ZNF728: variants seen among roughly 807,000 people sequenced by gnomAD.
ZNF728 encodes the protein zinc finger protein 728.
Under a neutral mutation model 12.5 loss-of-function variants are expected in ZNF728, and 12 were observed. The observed-to-expected ratio is 0.96, with a 90% CI of 0.61 to 1.55. The LOEUF (loss-of-function observed/expected upper bound fraction) is 1.55, where lower values mean the gene tolerates loss of function less well. Among genes scored for constraint, ZNF728 ranks in the 40% most tolerant of loss-of-function variants. The pLI is 0.00. For synonymous variants in ZNF728, 205 were observed against 240.7 expected (o/e 0.85, Z 1.37); for missense variants, 692 against 719.2 (o/e 0.96, Z 0.43).
intron 1 of ZNF728, 133 bp downstream of exon 1, chr19:23,002,895 G>C: frequency 8.2e-7 from 1 of 1,222,176 alleles, no homozygotes; most frequent in Non-Finnish European, 1.2e-6. Context: ...CTGAGGTCGA[G>C]CTAGGCAAGG....
intron 1 of ZNF728, among the ~76,000 whole-genome samples, chr19:22,997,855 T>TA (rs901893714): frequency 8.7e-5 from 13 of 149,596 alleles, no homozygotes; most frequent in South Asian, 2.1e-4. Context: ...GCTATGCACA[T>TA]AAAAAAAAAT....
chr19:22,989,288 A>G (rs886549975), intron 1 of ZNF728, among the ~76,000 whole-genome samples: 2 of 151,992 alleles, frequency 1.3e-5, no homozygotes, highest in African/African-American at 4.8e-5. Context: ...CAGTATGCCA[A>G]TGGTTTTGGC....
intron 1 of ZNF728, among the ~76,000 whole-genome samples, chr19:22,993,592 T>C (rs1157051032): frequency 6.6e-6 from 1 of 152,116 alleles, no homozygotes; most frequent in African/African-American, 2.4e-5. Context: ...CACTTACAAG[T>C]GGATTTGCAA....
chr19:22,988,876 A>G (rs1239335795), intron 1 of ZNF728, among the ~76,000 whole-genome samples: 1 of 151,970 alleles, frequency 6.6e-6, no homozygotes, highest in Non-Finnish European at 1.5e-5. Flanking sequence ...ACATGGAGAA[A>G]CCACGTCTGT....
chr19:22,984,557 CAAA>C (rs398040954), intron 3 of ZNF728, among the ~76,000 whole-genome samples: 29,199 of 76,002 alleles, frequency 0.38, 4,628 homozygotes, highest in African/African-American at 0.58. Context: ...GACTCCATCT[CAAA>C]AAAAAAAAAA....
Position 22,975,549 on chromosome 19 carries a change from T to G in ZNF728, c.1788A>C (p.Glu596Asp). The G allele has an allele frequency of 6.3e-7, 1 of 1,584,376 alleles. No individual in the cohort carries two copies. The highest frequency in any genetic ancestry group is 8.6e-7 in the Non-Finnish European group (1 of 1,166,250). The change falls in exon 4 of 4, where the codon GAA becomes GAC. Residue 596 changes from glutamate to aspartate, a missense_variant. Physicochemically the swap from Glu to Asp is conservative, Grantham distance 45. Around this residue, in one of 3 missense-constraint regions of ZNF728, gnomAD observed 244 missense variants for 235.2 expected, o/e 1.04. Coordinates refer to ENST00000594710, the MANE Select transcript of ZNF728 (RefSeq NM_001267716.2). ...AGGATTGGTTGAAGTCTTTACCACA[T>G]TCTTCACATTTGTAGAATTTCTTTC... Reference protein sequence around the residue: ...HAGKKFYKCEECGKDFNQSSH... With the variant: ...HAGKKFYKCEDCGKDFNQSSH...
chr19:22,978,438 A>G (rs1214960368), intron 3 of ZNF728, among the ~76,000 whole-genome samples: 5 of 152,254 alleles, frequency 3.3e-5, no homozygotes, highest in Non-Finnish European at 7.3e-5. Context: ...CATAGGAAAG[A>G]TGCTGAAAGC....
chr19:22,997,999 G>T (rs183282436), intron 1 of ZNF728, among the ~76,000 whole-genome samples: 2 of 151,954 alleles, frequency 1.3e-5, no homozygotes, highest in African/African-American at 2.4e-5. Flanking sequence ...CAGTGAGAAC[G>T]GCCATTATTA....
In ZNF728 at chr19:22,976,147, T is replaced by A; in HGVS notation, c.1190A>T (p.Lys397Ile). The change falls in exon 4 of 4, where the codon AAA becomes ATA. Residue 397 changes from lysine to isoleucine, a missense_variant. Transcript: ENST00000594710. ...AAAGGTTTTGCCACATTCTTCACAT[T>A]TGTAAGGTTTGTCTCCAGCATGAAT... Reference protein sequence around the residue: ...KRIHAGDKPYKCEECGKTFKW... With the variant: ...KRIHAGDKPYICEECGKTFKW... 6.2e-7 allele frequency: 1 copy of A among 1,613,270 alleles called. No individual in the cohort carries two copies.
chr19:22,988,754 A>G (rs1480921705), intron 1 of ZNF728, among the ~76,000 whole-genome samples: 1 of 152,166 alleles, frequency 6.6e-6, no homozygotes, highest in Admixed American at 6.5e-5. Flanking sequence ...ATTTACATCA[A>G]ACAGAATTAA....
chr19:22,984,322 G>C (rs541305816), intron 3 of ZNF728, among the ~76,000 whole-genome samples: 1 of 152,008 alleles, frequency 6.6e-6, no homozygotes, highest in South Asian at 2.1e-4. Flanking sequence ...ACTTTGGGAG[G>C]CCGAGGTGGG....
rs763865719 is a variant in ZNF728, at chr19:22,976,026, C to T, written c.1311G>A (p.Ser437=). 11 of 1,540,936 alleles carry T rather than the reference C, an allele frequency of 7.1e-6. No homozygotes were observed. The highest frequency in any genetic ancestry group is 1.9e-5 in the Admixed American group (1 of 53,892). Reference sequence around the variant, plus strand: ...GAATTACTTTATGTTTAGTAAGGCTCGAAAATGTAGTAAAGGCTTTGCCAC... The same window carrying T: ...GAATTACTTTATGTTTAGTAAGGCTTGAAAATGTAGTAAAGGCTTTGCCAC... The part of the protein sequence containing the change: ...EECGKAFTTF[S]SLTKHKVIHT... The change falls in exon 4 of 4, where the codon TCG becomes TCA. Residue 437 remains serine (S), a synonymous_variant. Coordinates refer to ENST00000594710, the MANE Select transcript of ZNF728 (RefSeq NM_001267716.2).
At chr19:23,001,136 C>G (rs1286678900) in intron 1 of ZNF728, among the ~76,000 whole-genome samples, 1 of 152,134 alleles carries the variant, frequency 6.6e-6, no homozygotes, top group Admixed American at 6.5e-5. Context: ...TTGTTTTTGT[C>G]TTTGGAGTGC....
intron 3 of ZNF728, among the ~76,000 whole-genome samples, chr19:22,984,679 G>C (rs73553429): frequency 0.01 from 1,504 of 149,594 alleles, 28 homozygotes; most frequent in African/African-American, 0.035. Context: ...TGTTGTAATA[G>C]TTAACATTGT....
At position 23,003,139 on chromosome 19, in the gene ZNF728, G is replaced by C; in HGVS notation, c.-109C>G. The C allele has an allele frequency of 1.5e-6, 2 of 1,319,460 alleles. No individual in the cohort carries two copies. Among genetic ancestry groups the C allele is most frequent in the East Asian group, 2.6e-5 (1 of 37,850 alleles). 81.7% of individuals were successfully genotyped at this position (1,319,460 alleles called of 1,614,324 possible). A position where few individuals can be genotyped will look rare whatever the true frequency, so the allele number is the denominator to read the frequency against. ...AGGAGCGGACGACACACAGCAGTAA[G>C]GACGACACCTTGACCTCCGCGTGCA... On this transcript the variant is annotated 5_prime_UTR_variant, in exon 1 of 4. Coordinates refer to ENST00000594710, the MANE Select transcript of ZNF728 (RefSeq NM_001267716.2).
In ZNF728 at chr19:22,975,364, T is replaced by C; in HGVS notation, c.*104A>G. 1.9e-6 allele frequency: 2 copies of C among 1,074,156 alleles called. No homozygotes were observed. The highest frequency in any genetic ancestry group is 2.7e-6 in the Non-Finnish European group (2 of 741,230). 66.5% of individuals were successfully genotyped at this position (1,074,156 alleles called of 1,614,324 possible). A position where few individuals can be genotyped will look rare whatever the true frequency, so the allele number is the denominator to read the frequency against. ...TGTTTAGTAAGGATTGAGGAACAGT[T>C]AAAAAATTTGCCACATTCTTCACAT... On this transcript the variant is annotated 3_prime_UTR_variant, in exon 4 of 4. Transcript: ENST00000594710.
chr19:23,002,402 C>T (rs1275956580), intron 1 of ZNF728, among the ~76,000 whole-genome samples: 1 of 152,096 alleles, frequency 6.6e-6, no homozygotes. Flanking sequence ...GCCAATTAAC[C>T]TCTGATTACA....
chr19:22,993,205 A>C (rs1264661138), intron 1 of ZNF728, among the ~76,000 whole-genome samples: 1 of 152,196 alleles, frequency 6.6e-6, no homozygotes, highest in Non-Finnish European at 1.5e-5. Context: ...AAAAAGCCAC[A>C]CTCTCAAAAG....
rs771499304 is a variant in ZNF728 at position 22,977,111 on chromosome 19, C to T, written c.227-1G>A. 1 of 1,543,568 alleles carries T rather than the reference C, an allele frequency of 6.5e-7. No individual in the cohort carries two copies. The highest frequency in any genetic ancestry group is 2.3e-5 in the East Asian group (1 of 43,998). On this transcript the variant is annotated splice_acceptor_variant, in intron 3 of 3. Coordinates refer to ENST00000594710, the MANE Select transcript of ZNF728 (RefSeq NM_001267716.2). LOFTEE classifies it high-confidence loss of function. ...TCTTGAGCAAAATGAGAACATATAA[C>T]TGAAAAGAAATAAAAATAACAAATT...
Sources: allele counts gnomAD v4.1 joint callset (sites outside exome capture counted in the v4.1 genomes callset), GRCh38; gene constraint gnomAD v4.1.1; regional missense constraint gnomAD v4.1.1; transcripts MANE v1.5; gene names NCBI Gene and HGNC (gene_info 2026-07-23, HGNC 2026-07-21).